ANKAR: variants seen among roughly 807,000 people sequenced by gnomAD.
ANKAR encodes the protein ankyrin and armadillo repeat containing.
ANKAR carries 136 observed loss-of-function variants against 146.2 expected under a neutral mutation model. The ratio of observed to expected loss-of-function variants is 0.93; its 90% CI spans 0.81 to 1.07. The LOEUF (loss-of-function observed/expected upper bound fraction) is 1.07. ANKAR is among the 50% of genes least tolerant of loss of function. The probability of loss-of-function intolerance (pLI) is 0.00; values close to 1 mark genes in which losing one functional copy is unlikely to be tolerated. For missense variants in ANKAR, 1,567 were observed against 1,679.9 expected (o/e 0.93, Z 1.18); for synonymous variants, 500 against 575.8 (o/e 0.87, Z 1.88).
intron 2 of ANKAR, among the ~76,000 whole-genome samples, chr2:189,687,429 T>C (rs1354878408): frequency 6.6e-6 from 1 of 152,128 alleles, no homozygotes; most frequent in Non-Finnish European, 1.5e-5. Context: ...AACGTGGGAG[T>C]GCAGATACCC....
At chr2:189,712,414 G>A (rs2039828001) in intron 10 of ANKAR, among the ~76,000 whole-genome samples, 1 of 152,202 alleles carries the variant, frequency 6.6e-6, no homozygotes. Flanking sequence ...TGATCAGGCA[G>A]CAATATTTGC....
At chr2:189,694,512 T>G (rs2036906982) in intron 5 of ANKAR, among the ~76,000 whole-genome samples, 1 of 152,218 alleles carries the variant, frequency 6.6e-6, no homozygotes, top group African/African-American at 2.4e-5. Context: ...GCCCCACCTA[T>G]GTTCCAGGGA....
chr2:189,752,889 G>A lies in ANKAR; in HGVS notation c.*584+8101G>A. ...CCATTATCAGTGCATAGTCTGGGAGGAGGACACAACAAAGTGCACTGTGTT... is the reference window on the plus strand; with the variant it reads ...CCATTATCAGTGCATAGTCTGGGAGAAGGACACAACAAAGTGCACTGTGTT... On this transcript the variant is annotated intron_variant and NMD_transcript_variant, in intron 18 of 18. Coordinates refer to the ANKAR transcript ENST00000441800. 6.2e-7 allele frequency: 1 copy of A among 1,613,918 alleles called. No homozygotes were observed.
At chr2:189,758,322 G>C (rs1045703241) in intron 18 of ANKAR, among the ~76,000 whole-genome samples, 1 of 152,006 alleles carries the variant, frequency 6.6e-6, no homozygotes, top group African/African-American at 2.4e-5. Flanking sequence ...CGGAGGTTGT[G>C]ATGAGCCAAG....
intron 7 of ANKAR, among the ~76,000 whole-genome samples, chr2:189,702,010 T>C: frequency 6.6e-6 from 1 of 152,152 alleles, no homozygotes; most frequent in Non-Finnish European, 1.5e-5. Flanking sequence ...CCTGCGTCCC[T>C]GTACTTTGAA....
intron 2 of ANKAR, 84 bp from the exon 3 acceptor site, chr2:189,689,443 A>T (rs2036096092): frequency 4.4e-6 from 5 of 1,147,012 alleles, no homozygotes; most frequent in East Asian, 2.4e-5. Flanking sequence ...TTCATGATAA[A>T]ATCCTGTGTT....
At chr2:189,682,604 G>A (rs147494572) in intron 2 of ANKAR, among the ~76,000 whole-genome samples, 117 of 152,300 alleles carry the variant, frequency 7.7e-4, no homozygotes, top group Middle Eastern at 3.4e-3. Context: ...GGGCTACAGG[G>A]CTTTTATGCT....
intron 2 of ANKAR, 26 bp downstream of exon 2, chr2:189,677,117 T>A (rs1559047268): frequency 2.3e-5 from 2 of 86,992 alleles, no homozygotes; most frequent in Non-Finnish European, 1.9e-5. Context: ...ACTTCTTAAA[T>A]TTTTTTTTTT....
chr2:189,675,694 C>T (rs114987781), intron 1 of ANKAR, among the ~76,000 whole-genome samples: 5,236 of 152,214 alleles, frequency 0.034, 109 homozygotes, highest in Non-Finnish European at 0.052. Flanking sequence ...CTTTAAAAAA[C>T]TGAAAACAAA....
chr2:189,689,795 A>T lies in ANKAR; in HGVS notation c.870A>T (p.Gln290His), dbSNP rs999446278. Reference protein sequence around the residue: ...LDICTYQRLQQRLYLQKKIIQ... With the variant: ...LDICTYQRLQHRLYLQKKIIQ... ...TCTGTACCTACCAGAGACTACAGCAAAGATTATATCTTCAAAAAAAGATTA... is the reference window on the plus strand; with the variant it reads ...TCTGTACCTACCAGAGACTACAGCATAGATTATATCTTCAAAAAAAGATTA... The change falls in exon 3 of 23, where the codon CAA (glutamine) becomes CAT (histidine). Residue 290 changes from glutamine (Q) to histidine (H), a missense_variant. By Grantham distance (24) the Gln-to-His change is conservative. Transcript: ENST00000684021. The T allele has an allele frequency of 2.5e-5, 40 of 1,609,070 alleles. No individual in the cohort carries two copies. The highest frequency in any genetic ancestry group is 3.4e-5 in the Non-Finnish European group (40 of 1,178,126).
chr2:189,696,124 A>G lies in ANKAR; in HGVS notation c.1489-26A>G, dbSNP rs1262126223. ...CCAAACTTTAGGTGCATTTTGATAA[A>G]CTGATTCTGGCCTTCTTAATTTTAG... On this transcript the variant is annotated intron_variant, in intron 6 of 22. Transcript: ENST00000684021. 4.4e-6 allele frequency: 7 copies of G among 1,607,458 alleles called. No homozygotes were observed. In the African/African-American group the frequency reaches 8.0e-5, roughly 18 times the overall value.
At chr2:189,686,123 T>C (rs2105778066) in intron 2 of ANKAR, among the ~76,000 whole-genome samples, 1 of 152,274 alleles carries the variant, frequency 6.6e-6, no homozygotes, top group African/African-American at 2.4e-5. Flanking sequence ...TTCATTTCTT[T>C]GTAATTTATC....
At position 189,689,691 on chromosome 2, in the gene ANKAR, C is replaced by T. The variant is rs2036122488; in HGVS notation, c.766C>T (p.Gln256Ter). 6 of 1,613,426 alleles carry T rather than the reference C, an allele frequency of 3.7e-6. No homozygotes were observed. Among genetic ancestry groups the T allele is most frequent in the African/African-American group, 1.3e-5 (1 of 74,868 alleles). ...AACATTCAGTACCACACAAATTCAA[C>T]AGTATGAAAATGTCTTTATATTTGA... ...KLTFSTTQIQ[Q>*]YENVFIFETG... The change falls in exon 3 of 23, where the codon CAG becomes TAG. Residue 256 changes from glutamine (Q) to a stop codon, truncating the protein, a stop_gained. Transcript: ENST00000684021. LOFTEE classifies it high-confidence loss of function.
rs991855401 is a variant in ANKAR at position 189,705,835 on chromosome 2, G to A, written c.1910+611G>A. On this transcript the variant is annotated intron_variant, in intron 8 of 22. Coordinates refer to ENST00000684021, the MANE Select transcript of ANKAR (RefSeq NM_001378068.1). ...TTAGGGTAAAGGTGTAACTTCTCCT[G>A]AAGGTACATCCTTGGCTAGAAATCT... 5.3e-5 allele frequency among the ~76,000 whole-genome samples: 8 copies of A among 152,184 alleles called. No homozygotes were observed. In the South Asian group the frequency reaches 8.3e-4, roughly 16 times the overall value.
intron 19 of ANKAR, 45 bp from the exon 20 acceptor site, chr2:189,741,297 T>A (rs1226641346): frequency 7.0e-7 from 1 of 1,433,426 alleles, no homozygotes; most frequent in Non-Finnish European, 9.6e-7. Context: ...ATTATAAGTT[T>A]ATATCAATTA....
intron 20 of ANKAR, among the ~76,000 whole-genome samples, chr2:189,741,765 G>C (rs7604380): frequency 1.3e-5 from 2 of 151,792 alleles, no homozygotes; most frequent in Non-Finnish European, 2.9e-5. Context: ...AGTATAAAAC[G>C]ACTACAATTA....
At chr2:189,757,901 C>G (rs1024107827) in intron 18 of ANKAR, among the ~76,000 whole-genome samples, 2 of 152,180 alleles carry the variant, frequency 1.3e-5, no homozygotes, top group Non-Finnish European at 2.9e-5. Context: ...TTTCTCACTT[C>G]TTTGTCTTTG....
At chr2:189,742,905 G>GACACACACAC (rs397987025) in intron 20 of ANKAR, among the ~76,000 whole-genome samples, 2 of 33,506 alleles carry the variant, frequency 6.0e-5, no homozygotes, top group African/African-American at 2.7e-4. Context: ...AGAATTACCT[G>GACACACACAC]ACACACACAC....
In ANKAR at chr2:189,695,168, C is replaced by A; in HGVS notation, c.1488+7C>A. On this transcript the variant is annotated splice_region_variant and intron_variant, in intron 6 of 22. Transcript: ENST00000684021. ...AAGAGCTATGAAATGCAAGGTATTTCAGTGACTACCACATAATTTAGTATA... is the reference window on the plus strand; with the variant it reads ...AAGAGCTATGAAATGCAAGGTATTTAAGTGACTACCACATAATTTAGTATA... The A allele has an allele frequency of 6.3e-7, 1 of 1,587,764 alleles. No individual in the cohort carries two copies. The highest frequency in any genetic ancestry group is 1.8e-5 in the Admixed American group (1 of 55,864).
Sources: allele counts gnomAD v4.1 joint callset (sites outside exome capture counted in the v4.1 genomes callset), GRCh38; gene constraint gnomAD v4.1.1; transcripts MANE v1.5; gene names NCBI Gene and HGNC (gene_info 2026-07-23, HGNC 2026-07-21).